The following DOCK2 variants were observed in gnomAD, a reference collection of about 807,000 sequenced individuals.
DOCK2 encodes the protein dedicator of cytokinesis protein 2.
In DOCK2, 87 loss-of-function variants were observed where a neutral mutation model predicts 248.9. That is an observed-to-expected ratio of 0.35 (90% CI 0.29 to 0.42). The LOEUF is 0.42. Ranked by LOEUF, DOCK2 falls within the 10% of genes least tolerant of loss-of-function variation. DOCK2 has a pLI of 1.00. For missense variants in DOCK2, 1,747 were observed against 2,300.2 expected (o/e 0.76, Z 4.92); for synonymous variants, 805 against 821.6 (o/e 0.98, Z 0.35).
chr5:170,055,986 C>G (rs1393772445), intron 42 of DOCK2, among the ~76,000 whole-genome samples: 2 of 152,222 alleles, frequency 1.3e-5, no homozygotes, highest in African/African-American at 2.4e-5. Context: ...GCTCATTCCC[C>G]CTACCCCATG....
At chr5:169,681,600 C>G (rs1485340239) in intron 6 of DOCK2, 144 bp from the exon 7 acceptor site, 3 of 945,046 alleles carry the variant, frequency 3.2e-6, no homozygotes, top group Non-Finnish European at 4.7e-6. Context: ...TGCTCACTAG[C>G]AGTGTCCCAG....
In DOCK2 at chr5:169,961,919, C is replaced by T. The variant is rs1376952643; in HGVS notation, c.2800-21149C>T. The stretch of plus-strand genomic sequence containing the variant: ...ACTTGAACCCAGGAGGCGGAGGTTG[C>T]AGTGAGCCGAGATCGTGCCACTGCA... On this transcript the variant is annotated intron_variant, in intron 27 of 51. Coordinates refer to ENST00000520908, the MANE Select transcript of DOCK2 (RefSeq NM_004946.3). Among the ~76,000 whole-genome samples, 6 of 136,296 alleles carry T rather than the reference C, an allele frequency of 4.4e-5. No homozygotes were observed. In the East Asian group the frequency reaches 1.3e-3, roughly 30 times the overall value. The allele number at this position is 136,296 out of a possible 152,430, so 89.4% of individuals were successfully genotyped here. A position where few individuals can be genotyped will look rare whatever the true frequency, so the allele number is the denominator to read the frequency against.
At chr5:169,793,499 C>T (rs1264780180) in intron 25 of DOCK2, among the ~76,000 whole-genome samples, 2 of 152,102 alleles carry the variant, frequency 1.3e-5, no homozygotes, top group East Asian at 1.9e-4. Context: ...CTTCAGTTCC[C>T]TCATCTGTAA....
Position 169,739,081 on chromosome 5 carries a change from A to G in DOCK2, c.2268-8315A>G, listed in dbSNP as rs550973341. Among the ~76,000 whole-genome samples the G allele has an allele frequency of 2.0e-5, 3 of 152,322 alleles. No homozygotes were observed. In the South Asian group the frequency reaches 6.2e-4, roughly 32 times the overall value. On this transcript the variant is annotated intron_variant, in intron 22 of 51. Coordinates refer to ENST00000520908, the MANE Select transcript of DOCK2 (RefSeq NM_004946.3). The stretch of plus-strand genomic sequence containing the variant: ...TAGCAAGGAAAATGTTAAAAGAAGA[A>G]ATCACTTAACTACACACACCAAATG...
At chr5:169,781,623 G>A (rs541171179) in intron 25 of DOCK2, among the ~76,000 whole-genome samples, 3 of 152,294 alleles carry the variant, frequency 2.0e-5, no homozygotes, top group South Asian at 4.1e-4. Flanking sequence ...AGACACAGAA[G>A]GACTCACTGT....
At chr5:169,908,521 T>A (rs985383189) in intron 27 of DOCK2, among the ~76,000 whole-genome samples, 2 of 152,078 alleles carry the variant, frequency 1.3e-5, no homozygotes, top group Non-Finnish European at 2.9e-5. Flanking sequence ...CACAAATAGG[T>A]TCCCACCTGC....
At chr5:169,662,775 G>C (rs190181946) in intron 2 of DOCK2, among the ~76,000 whole-genome samples, 3 of 152,254 alleles carry the variant, frequency 2.0e-5, no homozygotes, top group Admixed American at 2.0e-4. Flanking sequence ...TTCCCACCAG[G>C]TCCCTCCCCT....
chr5:170,076,143 A>C, intron 47 of DOCK2, 59 bp downstream of exon 47: 1 of 1,577,902 alleles, frequency 6.3e-7, no homozygotes, highest in Non-Finnish European at 8.6e-7. Context: ...GCAGGGAAGC[A>C]TGCTGGAGGC....
chr5:169,827,183 G>A (rs1234163860), intron 26 of DOCK2, among the ~76,000 whole-genome samples: 1 of 152,044 alleles, frequency 6.6e-6, no homozygotes, highest in Non-Finnish European at 1.5e-5. Flanking sequence ...ATGCAGCTAT[G>A]GTTATAGACC....
At chr5:169,879,377 T>A (rs1239540114) in intron 27 of DOCK2, among the ~76,000 whole-genome samples, 4 of 152,160 alleles carry the variant, frequency 2.6e-5, no homozygotes, top group Non-Finnish European at 5.9e-5. Context: ...TAAAAAAAAA[T>A]GACAACTCTC....
chr5:169,837,802 C>T (rs1487912034), intron 26 of DOCK2, among the ~76,000 whole-genome samples: 7 of 152,118 alleles, frequency 4.6e-5, no homozygotes, highest in African/African-American at 1.7e-4. Context: ...TGCAACCTCC[C>T]AATACTGGGA....
rs1415117894 is a variant in DOCK2, at chr5:170,047,613, G to A, written c.4070G>A (p.Arg1357Gln). ...GGCCAGGGATTCCCCTCCTTCCTGC[G>A]GGTGAGTTTGGGGGTGACTTGGACA... is the stretch of plus-strand genomic sequence containing the variant. Reference protein sequence around the residue: ...YYGQGFPSFLRNKVFIYRGKE... With the variant: ...YYGQGFPSFLQNKVFIYRGKE... Residue 1357 changes from arginine (R) to glutamine (Q), a missense_variant and splice_region_variant, in exon 40 of 52, where the codon CGG becomes CAG. Physicochemically the swap from Arg to Gln is conservative, Grantham distance 43 (BLOSUM62 1). Transcript: ENST00000520908. The A allele has an allele frequency of 3.1e-6, 5 of 1,613,704 alleles. No homozygotes were observed. Among genetic ancestry groups the A allele is most frequent in the African/African-American group, 1.3e-5 (1 of 74,908 alleles).
At chr5:170,077,871 C>A in intron 48 of DOCK2, 34 bp downstream of exon 48, 1 of 1,597,322 alleles carries the variant, frequency 6.3e-7, no homozygotes, top group South Asian at 1.1e-5. Flanking sequence ...CCCCCCACAC[C>A]CCTGCCTCCC....
rs148497914 is a variant in DOCK2, at chr5:169,765,692, G to C, written c.2554+4067G>C. ...TCCAAAACAAACACAGAGAGAGATT[G>C]ACAGAAAGAGAGAGGGAAGAAGGGG... On this transcript the variant is annotated intron_variant, in intron 25 of 51. Coordinates refer to ENST00000520908, the MANE Select transcript of DOCK2 (RefSeq NM_004946.3). Among the ~76,000 whole-genome samples the C allele has an allele frequency of 5.8e-3, 878 of 152,324 alleles. 13 individuals are homozygous for C. The highest frequency in any genetic ancestry group is 0.02 in the African/African-American group (841 of 41,574).
chr5:169,879,054 G>A (rs1386562370), intron 27 of DOCK2, among the ~76,000 whole-genome samples: 1 of 152,166 alleles, frequency 6.6e-6, no homozygotes, highest in Non-Finnish European at 1.5e-5. Flanking sequence ...GACCCCACAT[G>A]TCTTGATAAG....
intron 6 of DOCK2, among the ~76,000 whole-genome samples, chr5:169,680,365 C>T (rs1035450153): frequency 2.6e-5 from 4 of 152,090 alleles, no homozygotes; most frequent in East Asian, 3.8e-4. Context: ...TCACTGATGC[C>T]GATCAGGATG....
At chr5:169,890,920 A>G (rs1054564189) in intron 27 of DOCK2, among the ~76,000 whole-genome samples, 1 of 152,148 alleles carries the variant, frequency 6.6e-6, no homozygotes, top group Non-Finnish European at 1.5e-5. Context: ...TAATCTTGAT[A>G]ATATTTAATC....
chr5:169,976,633 A>G (rs1256320143), intron 27 of DOCK2, among the ~76,000 whole-genome samples: 1 of 152,248 alleles, frequency 6.6e-6, no homozygotes, highest in Non-Finnish European at 1.5e-5. Context: ...ACAGAGCCAC[A>G]AGCACAGGCT....
At chr5:169,809,804 C>A (rs778310073) in intron 26 of DOCK2, among the ~76,000 whole-genome samples, 19 of 152,236 alleles carry the variant, frequency 1.2e-4, no homozygotes, top group Non-Finnish European at 2.6e-4. Context: ...CTTCTCACTG[C>A]GGCGGAGTGC....
Sources: gnomAD v4.1 joint callset for allele counts (sites outside exome capture counted in the v4.1 genomes callset) on GRCh38, gnomAD v4.1.1 for gene constraint, MANE v1.5 for transcripts, NCBI Gene and HGNC (gene_info 2026-07-23, HGNC 2026-07-21) for gene names.